Variants in FAM25G observed in about 807,000 individuals in gnomAD.
FAM25G encodes protein FAM25G.
A neutral mutation model predicts 6.4 loss-of-function variants in FAM25G; 3 were observed. The ratio of observed to expected loss-of-function variants is 0.47; its 90% CI spans 0.21 to 1.21. The LOEUF (loss-of-function observed/expected upper bound fraction) is 1.21. FAM25G is among the 50% of genes most tolerant of loss of function. FAM25G has a pLI of 0.22. For synonymous variants in FAM25G, 15 were observed against 31.3 expected (o/e 0.48, Z 1.74); for missense variants, 34 against 76.0 (o/e 0.45, Z 2.06).
intron 2 of FAM25G, among the ~76,000 whole-genome samples, chr10:47,489,218 C>A (rs1237113311): frequency 7.3e-6 from 1 of 137,052 alleles, no homozygotes; most frequent in Non-Finnish European, 1.6e-5. Flanking sequence ...CGGGGTTTCA[C>A]CGTGTTAGCC....
At chr10:47,488,255 G>C (rs1284998020) in intron 2 of FAM25G, among the ~76,000 whole-genome samples, 11 of 141,318 alleles carry the variant, frequency 7.8e-5, no homozygotes, top group Admixed American at 7.2e-4. Context: ...CTGTCACCCA[G>C]GCTGGAGTGC....
At chr10:47,488,471 G>A (rs1368170040) in intron 2 of FAM25G, among the ~76,000 whole-genome samples, 6 of 150,048 alleles carry the variant, frequency 4.0e-5, no homozygotes, top group South Asian at 2.1e-4. Context: ...TTGGCTTCCC[G>A]AAGGGCTAGG....
At chr10:47,489,540 C>T (rs1407455431) in intron 2 of FAM25G, 46 bp downstream of exon 2, 1 of 600,998 alleles carries the variant, frequency 1.7e-6, no homozygotes, top group Non-Finnish European at 2.9e-6. Context: ...CACCTAGCTT[C>T]CCTTCCTCCC....
intron 1 of FAM25G, among the ~76,000 whole-genome samples, chr10:47,490,120 CA>C (rs1469601760): frequency 1.3e-5 from 2 of 150,986 alleles, no homozygotes; most frequent in Non-Finnish European, 2.9e-5. Flanking sequence ...GCGCCTGCCT[CA>C]GGTTGGTTTC....
At chr10:47,490,698 TA>T (rs1261277876) in intron 1 of FAM25G, among the ~76,000 whole-genome samples, 4 of 139,960 alleles carry the variant, frequency 2.9e-5, no homozygotes, top group African/African-American at 8.3e-5. Flanking sequence ...AGTGAAAGGT[TA>T]AAGCAGGTGG....
chr10:47,488,712 A>AT (rs1840088979), intron 2 of FAM25G, among the ~76,000 whole-genome samples: 129 of 95,938 alleles, frequency 1.3e-3, no homozygotes, highest in East Asian at 4.7e-3. Context: ...TTACATGTTA[A>AT]ATTTTTTTTT....
chr10:47,490,786 C>CTG (rs1840138719), intron 1 of FAM25G, among the ~76,000 whole-genome samples: 1 of 126,400 alleles, frequency 7.9e-6, no homozygotes, highest in African/African-American at 3.2e-5. Flanking sequence ...TCAGGCAAGA[C>CTG]TTTTTCACAC....
rs1320231617 is a variant in FAM25G, at chr10:47,491,644, C to T, written c.31G>A (p.Glu11Lys). 86 of 1,540,506 alleles carry T rather than the reference C, an allele frequency of 5.6e-5. 1 individual carries two copies. Among genetic ancestry groups the T allele is most frequent in the Admixed American group, 2.4e-4 (12 of 50,534 alleles). MLGGLGKLAA[E>K]GLAHRTEKAT... Reference sequence around the variant, plus strand: ...TTCTCGGTGCGGTGGGCCAGGCCCTCGGCAGCCAGCTTCCCCAGGCCTCCC... The same window carrying T: ...TTCTCGGTGCGGTGGGCCAGGCCCTTGGCAGCCAGCTTCCCCAGGCCTCCC... Residue 11 changes from glutamate (E) to lysine (K), a missense_variant, in exon 1 of 3, where the codon GAG (glutamate) becomes AAG (lysine). Coordinates refer to ENST00000452267, the MANE Select transcript of FAM25G (RefSeq NM_001137549.2).
At chr10:47,487,761 C>T (rs1186089380) in intron 2 of FAM25G, among the ~76,000 whole-genome samples, 2 of 142,952 alleles carry the variant, frequency 1.4e-5, no homozygotes, top group African/African-American at 5.1e-5. Context: ...TTTCTTTTGG[C>T]TTGGTTTATA....
chr10:47,490,559 A>G (rs1840132825), intron 1 of FAM25G, among the ~76,000 whole-genome samples: 2 of 151,912 alleles, frequency 1.3e-5, no homozygotes, highest in African/African-American at 4.9e-5. Flanking sequence ...GTGAATGAGA[A>G]ACATATGGCT....
chr10:47,489,157 A>G (rs1218340557), intron 2 of FAM25G, among the ~76,000 whole-genome samples: 1 of 148,920 alleles, frequency 6.7e-6, no homozygotes, highest in Non-Finnish European at 1.5e-5. Context: ...AGCTGGGACT[A>G]TAGGCACCCA....
intron 1 of FAM25G, chr10:47,490,530 A>C (rs1177018337): frequency 6.5e-6 from 1 of 152,952 alleles, no homozygotes; most frequent in Non-Finnish European, 1.5e-5. Flanking sequence ...GTGGAGGTTG[A>C]AAGGAAACAG....
At chr10:47,490,662 C>T (rs1840135006) in intron 1 of FAM25G, among the ~76,000 whole-genome samples, 2 of 143,726 alleles carry the variant, frequency 1.4e-5, no homozygotes, top group South Asian at 2.3e-4. Flanking sequence ...TTTCTCCCAA[C>T]AGGAATCATA....
At chr10:47,488,713 ATTTTTTTTTTT>A (rs1160121365) in intron 2 of FAM25G, among the ~76,000 whole-genome samples, 7 of 62,114 alleles carry the variant, frequency 1.1e-4, no homozygotes, top group East Asian at 6.6e-4. Flanking sequence ...TACATGTTAA[ATTTTTTTTTTT>A]TTTTTTTTTT....
intron 2 of FAM25G, among the ~76,000 whole-genome samples, chr10:47,488,675 C>T (rs1840087974): frequency 1.4e-5 from 2 of 138,144 alleles, no homozygotes; most frequent in Non-Finnish European, 3.1e-5. Context: ...AGCTCACACA[C>T]ATCAATTTAA....
Position 47,488,713 on chromosome 10 carries a change from ATTTTTTTTTTTTTTTT to A in FAM25G, c.136+857_136+872del, listed in dbSNP as rs1160121365. ...TTTAACATAGAATTTTACATGTTAAATTTTTTTTTTTTTTTTTTTTTTTTTTTTTTTTGAGACAGAG... is the reference window on the plus strand; with the variant it reads ...TTTAACATAGAATTTTACATGTTAAATTTTTTTTTTTTTTTTGAGACAGAG... On this transcript the variant is annotated intron_variant, in intron 2 of 2. Transcript: ENST00000452267. Among the ~76,000 whole-genome samples, 105 of 62,136 alleles carry A rather than the reference ATTTTTTTTTTTTTTTT, an allele frequency of 1.7e-3. 2 individuals are homozygous for A. Among genetic ancestry groups the A allele is most frequent in the African/African-American group, 6.9e-3 (97 of 14,138 alleles). 40.8% of individuals were successfully genotyped at this position (62,136 alleles called of 152,430 possible).
At chr10:47,488,610 T>G (rs1259369374) in intron 2 of FAM25G, among the ~76,000 whole-genome samples, 1 of 150,370 alleles carries the variant, frequency 6.7e-6, no homozygotes, top group Admixed American at 6.6e-5. Context: ...ACCTGGAATC[T>G]ATTTTGTTGA....
chr10:47,488,847 C>T (rs1416431526), intron 2 of FAM25G, among the ~76,000 whole-genome samples: 1 of 145,038 alleles, frequency 6.9e-6, no homozygotes, highest in African/African-American at 2.6e-5. Flanking sequence ...CCTGCCTCAG[C>T]CTCCCGAGTA....
At chr10:47,490,101 G>A (rs1318414113) in intron 1 of FAM25G, among the ~76,000 whole-genome samples, 1 of 150,682 alleles carries the variant, frequency 6.6e-6, no homozygotes, top group African/African-American at 2.5e-5. Flanking sequence ...CCCCTCTCAG[G>A]ATGTGCTAGC....
Sources: gnomAD v4.1 joint callset for allele counts (sites outside exome capture counted in the v4.1 genomes callset) on GRCh38, gnomAD v4.1.1 for gene constraint, MANE v1.5 for transcripts, NCBI Gene and HGNC (gene_info 2026-07-23, HGNC 2026-07-21) for gene names.